METTL22: variants seen among roughly 807,000 people sequenced by gnomAD.
METTL22 encodes methyltransferase-like protein 22.
METTL22 carries 51 observed loss-of-function variants against 48.4 expected under a neutral mutation model. The observed-to-expected ratio is 1.05, with a 90% CI of 0.84 to 1.33. The LOEUF is 1.33. METTL22 is among the 40% of genes most tolerant of loss of function. The pLI, the probability that METTL22 is intolerant of heterozygous loss-of-function variation, is 0.00. For missense variants in METTL22, 678 were observed against 526.9 expected (o/e 1.29, Z -2.81); for synonymous variants, 255 against 214.1 (o/e 1.19, Z -1.67).
chr16:8,636,298 G>T (rs1175290157), intron 5 of METTL22, among the ~76,000 whole-genome samples: 3 of 152,176 alleles, frequency 2.0e-5, no homozygotes, highest in East Asian at 1.9e-4. Context: ...CCTTTGGGAG[G>T]CTGAGGCAGG....
intron 10 of METTL22, 108 bp from the exon 11 acceptor site, chr16:8,646,000 C>T (rs746848044): frequency 6.5e-7 from 1 of 1,536,842 alleles, no homozygotes; most frequent in Non-Finnish European, 8.8e-7. Flanking sequence ...TGCTCCGTGG[C>T]TGACGTGTTG....
intron 2 of METTL22, among the ~76,000 whole-genome samples, chr16:8,627,618 C>G (rs2056105151): frequency 6.6e-6 from 1 of 152,172 alleles, no homozygotes; most frequent in South Asian, 2.1e-4. Context: ...TGGCCTGCAG[C>G]TATTTTTATA....
chr16:8,634,992 A>G (rs748939276), intron 3 of METTL22, 47 bp from the exon 4 acceptor site: 1 of 1,612,202 alleles, frequency 6.2e-7, no homozygotes, highest in Non-Finnish European at 8.5e-7. Context: ...TTTTCTGTCC[A>G]TCCCCATTTC....
In METTL22 at chr16:8,646,660, C is replaced by T. The variant is rs116983616; in HGVS notation, c.*517C>T. On this transcript the variant is annotated 3_prime_UTR_variant, in exon 11 of 11. Coordinates refer to ENST00000381920, the MANE Select transcript of METTL22 (RefSeq NM_024109.4). The stretch of plus-strand genomic sequence containing the variant: ...ATGAGAAGGAAGAGGCAGGAGCTGG[C>T]GCCAGGAATGGACTGGCATTGGCCT... The T allele has an allele frequency of 3.8e-4, 174 of 458,144 alleles. 1 individual carries two copies. The East Asian group carries it at 7.3e-3, about 19-fold the overall frequency. The allele number at this position is 458,144 out of a possible 1,614,324, so 28.4% of individuals were successfully genotyped here.
the METTL22 span, among the ~76,000 whole-genome samples, chr16:8,663,970 G>C: frequency 0.058 from 8,848 of 151,970 alleles, 625 homozygotes; most frequent in African/African-American, 0.17. Flanking sequence ...TCCCACCCCC[G>C]ACCACAGTCA....
intron 5 of METTL22, 76 bp from the exon 6 acceptor site, chr16:8,639,013 GCT>G (rs2056508824): frequency 7.4e-7 from 1 of 1,353,606 alleles, no homozygotes. Flanking sequence ...GTTGATCACA[GCT>G]CTCTCTAGGC....
the METTL22 span, among the ~76,000 whole-genome samples, chr16:8,660,780 T>TGGAGGTGGAGGA: frequency 6.4e-5 from 1 of 15,746 alleles, no homozygotes; most frequent in Non-Finnish European, 1.4e-4. Flanking sequence ...GGGCAAGTCT[T>TGGAGGTGGAGGA]GGAGGAGGAG....
At chr16:8,629,154 C>A in intron 3 of METTL22, 44 bp downstream of exon 3, 3 of 1,583,282 alleles carry the variant, frequency 1.9e-6, no homozygotes, top group Non-Finnish European at 1.7e-6. Flanking sequence ...CAAGGCAACT[C>A]CGCAGTGTCA....
chr16:8,635,582 TC>T (rs1353472682), intron 5 of METTL22, among the ~76,000 whole-genome samples: 1 of 152,192 alleles, frequency 6.6e-6, no homozygotes, highest in African/African-American at 2.4e-5. Context: ...GGTACCTCTC[TC>T]CCCACTCCTG....
In METTL22 at chr16:8,647,217, G is replaced by C; in HGVS notation, c.*1074G>C. 6.4e-6 allele frequency: 1 copy of C among 156,946 alleles called. No individual in the cohort carries two copies. Among genetic ancestry groups the C allele is most frequent in the South Asian group, 1.9e-4 (1 of 5,360 alleles). The allele number at this position is 156,946 out of a possible 1,614,324, so 9.7% of individuals were successfully genotyped here. A position where few individuals can be genotyped will look rare whatever the true frequency, so the allele number is the denominator to read the frequency against. ...GGCTAATCCCTCATGCCAGGGGCCA[G>C]GCACTTGCAAGTCTAACTTCATCTT... On this transcript the variant is annotated 3_prime_UTR_variant, in exon 11 of 11. Coordinates refer to ENST00000381920, the MANE Select transcript of METTL22 (RefSeq NM_024109.4).
chr16:8,627,180 A>G (rs537392577), intron 2 of METTL22, among the ~76,000 whole-genome samples: 3 of 152,108 alleles, frequency 2.0e-5, no homozygotes, highest in Middle Eastern at 6.8e-3. Flanking sequence ...GAAAATGCAG[A>G]TCAAATCACA....
At chr16:8,621,806 G>T (rs2141662938) in intron 1 of METTL22, 31 bp downstream of exon 1, 1 of 152,474 alleles carries the variant, frequency 6.6e-6, no homozygotes, top group South Asian at 2.1e-4. Context: ...GCGGGATAGG[G>T]TAGGGTGCAG....
chr16:8,641,718 C>A, intron 7 of METTL22: 1 of 393,644 alleles, frequency 2.5e-6, no homozygotes, highest in South Asian at 2.1e-5. Context: ...TAGCACTTTG[C>A]GCACCGTAGG....
chr16:8,641,356 G>T, intron 7 of METTL22, 172 bp downstream of exon 7: 1 of 701,210 alleles, frequency 1.4e-6, no homozygotes, highest in Non-Finnish European at 2.6e-6. Flanking sequence ...GTCATTCTCT[G>T]AGCGCCTGCT....
At chr16:8,641,957 G>A in intron 7 of METTL22, 170 bp from the exon 8 acceptor site, 1 of 638,786 alleles carries the variant, frequency 1.6e-6, no homozygotes, top group South Asian at 1.9e-5. Context: ...TCTGCACCCG[G>A]GCAGCAGTGG....
At chr16:8,654,413 G>C (rs1432952266), downstream of METTL22, among the ~76,000 whole-genome samples, 1 of 152,206 alleles carries the variant, frequency 6.6e-6, no homozygotes, top group Non-Finnish European at 1.5e-5. Context: ...CCAGGGCATG[G>C]AATTGGGGGA....
chr16:8,642,687 C>T, intron 9 of METTL22, 122 bp downstream of exon 9: 1 of 919,446 alleles, frequency 1.1e-6, no homozygotes, highest in Non-Finnish European at 1.8e-6. Context: ...TGAGCACCTA[C>T]TATGTGCCAG....
chr16:8,645,353 G>C (rs377640540), intron 10 of METTL22, among the ~76,000 whole-genome samples: 1 of 152,192 alleles, frequency 6.6e-6, no homozygotes, highest in East Asian at 1.9e-4. Flanking sequence ...TGGAATTCGT[G>C]TGGTTTTGTG....
chr16:8,637,666 C>T (rs186541063), intron 5 of METTL22, among the ~76,000 whole-genome samples: 106 of 152,316 alleles, frequency 7.0e-4, no homozygotes, highest in African/African-American at 2.5e-3. Flanking sequence ...GTGCTTGTCA[C>T]GTGGTGGAAT....
Sources: allele counts gnomAD v4.1 joint callset (sites outside exome capture counted in the v4.1 genomes callset), GRCh38; gene constraint gnomAD v4.1.1; transcripts MANE v1.5; gene names NCBI Gene and HGNC (gene_info 2026-07-23, HGNC 2026-07-21).